NRXN1: variants seen among roughly 807,000 people sequenced by gnomAD.
NRXN1 encodes the protein neurexin-1.
Under a neutral mutation model 150.9 loss-of-function variants are expected in NRXN1, and 39 were observed. The observed-to-expected ratio is 0.26, with a 90% confidence interval of 0.20 to 0.34. The LOEUF is 0.34. Ranked by LOEUF, NRXN1 falls within the 10% of genes least tolerant of loss-of-function variation. The pLI, the probability that NRXN1 is intolerant of heterozygous loss-of-function variation, is 1.00. For missense variants in NRXN1, 1,815 were observed against 1,949.9 expected (o/e 0.93, Z 1.30); for synonymous variants, 924 against 757.0 (o/e 1.22, Z -3.62).
chr2:50,140,667 CTCT>C (rs1707140801), intron 18 of NRXN1, among the ~76,000 whole-genome samples: 1 of 145,454 alleles, frequency 6.9e-6, no homozygotes, highest in East Asian at 2.3e-4. Flanking sequence ...TTTTTTCTCT[CTCT>C]TTTTTTTTTT....
chr2:50,624,416 T>C (rs1038869367), intron 5 of NRXN1, among the ~76,000 whole-genome samples: 4 of 152,172 alleles, frequency 2.6e-5, no homozygotes, highest in African/African-American at 4.8e-5. Flanking sequence ...GATTCCAAGA[T>C]GTTTTCAACA....
At chr2:50,026,640 A>G (rs938441619) in intron 21 of NRXN1, among the ~76,000 whole-genome samples, 31 of 152,082 alleles carry the variant, frequency 2.0e-4, no homozygotes, top group African/African-American at 7.5e-4. Context: ...TTAAAATTGC[A>G]TACTCATAGA....
rs572780680 is a variant in NRXN1, at chr2:50,480,459, C to T, written c.3071-7988G>A. On this transcript the variant is annotated intron_variant, in intron 15 of 22. Transcript: ENST00000401669. ...CATAGGCATATGGACACCATGAGCA[C>T]TTCACACTGTCTCTCCAGACTCATC... Among the ~76,000 whole-genome samples the T allele has an allele frequency of 2.6e-5, 4 of 152,282 alleles. No individual in the cohort carries two copies. The East Asian group carries it at 7.7e-4, about 30-fold the overall frequency.
Position 50,552,753 on chromosome 2 carries a change from C to T in NRXN1, c.1593G>A (p.Lys531=), listed in dbSNP as rs1573517782. The T allele has an allele frequency of 6.2e-7, 1 of 1,613,956 alleles. No individual in the cohort carries two copies. ...HGKPRHQKDA[K]HPQMIKVDFF... is the part of the protein sequence containing the mutation. ...AGTCCACCTTTATCATCTGTGGGTG[C>T]TTGGCATCTTTCTGATGTCTTGGCT... The change falls in exon 9 of 23, where the codon AAG becomes AAA. Residue 531 remains lysine (K), a synonymous_variant. Transcript: ENST00000401669.
chr2:49,953,824 G>A (rs933586701), intron 21 of NRXN1, among the ~76,000 whole-genome samples: 3 of 151,838 alleles, frequency 2.0e-5, no homozygotes, highest in South Asian at 2.1e-4. Flanking sequence ...CATGGACACC[G>A]GGAGGGCAAC....
chr2:50,601,457 C>A (rs961803667), intron 8 of NRXN1, among the ~76,000 whole-genome samples: 1 of 152,166 alleles, frequency 6.6e-6, no homozygotes, highest in Admixed American at 6.5e-5. Context: ...TGAATTATGT[C>A]ATTCGAGTTA....
At chr2:50,603,229 T>C (rs151008071) in intron 8 of NRXN1, among the ~76,000 whole-genome samples, 10 of 152,290 alleles carry the variant, frequency 6.6e-5, no homozygotes, top group African/African-American at 2.2e-4. Flanking sequence ...TTTGATCATA[T>C]ACCCTATGAC....
intron 5 of NRXN1, among the ~76,000 whole-genome samples, chr2:50,879,658 T>G (rs1203068190): frequency 6.6e-6 from 1 of 151,836 alleles, no homozygotes; most frequent in Admixed American, 6.6e-5. Flanking sequence ...ATTTGCCAAG[T>G]TCCTCTTTCT....
At chr2:50,663,133 C>T (rs953759933) in intron 5 of NRXN1, among the ~76,000 whole-genome samples, 14 of 152,026 alleles carry the variant, frequency 9.2e-5, no homozygotes, top group African/African-American at 3.4e-4. Flanking sequence ...CAGTGTTTCC[C>T]AGGGCTATTG....
chr2:50,379,444 T>G (rs1200893656), intron 17 of NRXN1, among the ~76,000 whole-genome samples: 1 of 152,174 alleles, frequency 6.6e-6, no homozygotes, highest in Non-Finnish European at 1.5e-5. Flanking sequence ...GAACATTTTC[T>G]ACCTCCCTGA....
chr2:50,870,364 T>C (rs963066700), intron 5 of NRXN1, among the ~76,000 whole-genome samples: 3 of 151,932 alleles, frequency 2.0e-5, no homozygotes, highest in African/African-American at 7.2e-5. Context: ...GTGCTCGTTA[T>C]GTTGTCCAGG....
intron 2 of NRXN1, among the ~76,000 whole-genome samples, chr2:51,016,817 C>A (rs1668733951): frequency 6.6e-6 from 1 of 152,038 alleles, no homozygotes; most frequent in Admixed American, 6.5e-5. Context: ...ATGTTTATTG[C>A]AGCACTATGC....
At chr2:50,111,362 A>C (rs937292572) in intron 18 of NRXN1, among the ~76,000 whole-genome samples, 2 of 152,092 alleles carry the variant, frequency 1.3e-5, no homozygotes, top group Non-Finnish European at 2.9e-5. Flanking sequence ...AGTTACTCTC[A>C]TGCGGCATGG....
At chr2:50,430,853 T>C (rs778390261) in intron 17 of NRXN1, among the ~76,000 whole-genome samples, 2 of 152,150 alleles carry the variant, frequency 1.3e-5, no homozygotes, top group Non-Finnish European at 2.9e-5. Flanking sequence ...AACTCTTGCA[T>C]TGGCCACAGC....
intron 8 of NRXN1, among the ~76,000 whole-genome samples, chr2:50,573,411 G>C (rs535569493): frequency 3.3e-5 from 5 of 151,926 alleles, no homozygotes; most frequent in African/African-American, 1.2e-4. Context: ...TCTCTGCCTA[G>C]GTCTCAGATG....
intron 9 of NRXN1, among the ~76,000 whole-genome samples, chr2:50,549,534 A>C (rs980146541): frequency 6.6e-6 from 1 of 152,222 alleles, no homozygotes; most frequent in African/African-American, 2.4e-5. Context: ...ACTGGATTCA[A>C]AGAAAAATCT....
At chr2:50,512,868 T>G (rs1200686341) in intron 12 of NRXN1, among the ~76,000 whole-genome samples, 1 of 152,196 alleles carries the variant, frequency 6.6e-6, no homozygotes, top group East Asian at 1.9e-4. Flanking sequence ...ATACACAGTT[T>G]CGGAAGCAGT....
intron 2 of NRXN1, among the ~76,000 whole-genome samples, chr2:50,967,854 CTGCT>C (rs1694348195): frequency 2.0e-5 from 3 of 151,838 alleles, no homozygotes; most frequent in Admixed American, 2.0e-4. Context: ...GTTAGTTTTT[CTGCT>C]TATTTCACAG....
intron 17 of NRXN1, among the ~76,000 whole-genome samples, chr2:50,251,689 A>C (rs2067102245): frequency 6.6e-6 from 1 of 152,170 alleles, no homozygotes; most frequent in South Asian, 2.1e-4. Flanking sequence ...CCTGGCCAGC[A>C]TCTGCTGTTT....
Sources: gnomAD v4.1 joint callset for allele counts (sites outside exome capture counted in the v4.1 genomes callset) on GRCh38, gnomAD v4.1.1 for gene constraint, MANE v1.5 for transcripts, NCBI Gene and HGNC (gene_info 2026-07-23, HGNC 2026-07-21) for gene names.